Variants in ATXN7L1 observed in about 807,000 individuals in gnomAD.
The protein encoded by ATXN7L1 is ataxin 7 like 1, also known as ataxin-7-like protein 1.
Under a neutral mutation model 70.8 loss-of-function variants are expected in ATXN7L1, and 15 were observed. The ratio of observed to expected loss-of-function variants is 0.21; its 90% confidence interval spans 0.14 to 0.33. The LOEUF is 0.33. Ranked by LOEUF, ATXN7L1 falls within the 10% of genes least tolerant of loss-of-function variation. ATXN7L1 has a pLI of 1.00. For missense variants in ATXN7L1, 975 were observed against 1,097.1 expected (o/e 0.89, Z 1.57); for synonymous variants, 440 against 445.1 (o/e 0.99, Z 0.14).
rs115057597 is a variant in ATXN7L1 at position 105,841,379 on chromosome 7, T to G, written c.250+34433A>C. 1.7e-3 allele frequency among the ~76,000 whole-genome samples: 261 copies of G among 152,382 alleles called. 1 individual carries two copies. The highest frequency in any genetic ancestry group is 6.2e-3 in the African/African-American group (257 of 41,592). ...CAGCAGTCCTTGCTTATCCACGGTT[T>G]CACTTTCCAGTTTTAGTTACATGCA... On this transcript the variant is annotated intron_variant, in intron 2 of 11. Transcript: ENST00000419735.
rs1420801957 is a variant in ATXN7L1 at position 105,605,405 on chromosome 7, A to G, written c.*2447T>C. The G allele has an allele frequency of 7.1e-6, 1 of 140,214 alleles. No homozygotes were observed. The highest frequency in any genetic ancestry group is 1.5e-5 in the Non-Finnish European group (1 of 66,702). 8.7% of individuals were successfully genotyped at this position (140,214 alleles called of 1,614,324 possible). ...TACTGTGGGCTTTCCCTTTTTGCCC[A>G]GTTTTCCAGAAATATCCTCACCTTG... On this transcript the variant is annotated 3_prime_UTR_variant, in exon 12 of 12. Transcript: ENST00000419735.
Position 105,733,841 on chromosome 7 carries a change from C to CCCATCCATCCAT in ATXN7L1, c.355+54751_355+54762dup, listed in dbSNP as rs74665862. Among the ~76,000 whole-genome samples the CCCATCCATCCAT allele has an allele frequency of 7.9e-4, 42 of 52,940 alleles. 5 individuals are homozygous for CCCATCCATCCAT. The highest frequency in any genetic ancestry group is 1.4e-3 in the Non-Finnish European group (39 of 28,038). 34.7% of individuals were successfully genotyped at this position (52,940 alleles called of 152,430 possible). ...ATCCATCCACCCCTCCATCCGTCCACCCATCCATCCATCCATCCATCCATC... is the reference window on the plus strand; with the variant it reads ...ATCCATCCACCCCTCCATCCGTCCACCCATCCATCCATCCATCCATCCATCCATCCATCCATC... On this transcript the variant is annotated intron_variant, in intron 3 of 11. Transcript: ENST00000419735.
chr7:105,817,454 G>T (rs528784984), intron 2 of ATXN7L1, among the ~76,000 whole-genome samples: 13 of 152,308 alleles, frequency 8.5e-5, no homozygotes, highest in Middle Eastern at 3.4e-3. Flanking sequence ...CTATTCTTAG[G>T]ACACATACAC....
chr7:105,628,542 C>A (rs1036992902), intron 7 of ATXN7L1, among the ~76,000 whole-genome samples: 13 of 151,920 alleles, frequency 8.6e-5, no homozygotes, highest in Non-Finnish European at 7.4e-5. Context: ...GTAATCCCAG[C>A]ACTTTGGGAG....
At chr7:105,800,248 G>A (rs1451722626) in intron 2 of ATXN7L1, among the ~76,000 whole-genome samples, 1 of 152,206 alleles carries the variant, frequency 6.6e-6, no homozygotes, top group African/African-American at 2.4e-5. Context: ...ATGAAGCCCT[G>A]TGATTGGGCC....
At chr7:105,795,025 C>T (rs1289681453) in intron 2 of ATXN7L1, among the ~76,000 whole-genome samples, 10 of 152,222 alleles carry the variant, frequency 6.6e-5, no homozygotes, top group Non-Finnish European at 1.5e-5. Context: ...TGGCACTCAG[C>T]CTGCTTCCCA....
intron 4 of ATXN7L1, among the ~76,000 whole-genome samples, chr7:105,646,531 T>C (rs56956827): frequency 0.057 from 8,612 of 152,070 alleles, 848 homozygotes; most frequent in African/African-American, 0.2. Flanking sequence ...GATTCTCCTG[T>C]CTCAGCCTCC....
intron 2 of ATXN7L1, chr7:105,819,763 A>C: frequency 1.4e-6 from 1 of 719,666 alleles, no homozygotes; most frequent in Non-Finnish European, 2.6e-6. Context: ...GCCCCACAAG[A>C]CAAAGCAAGG....
intron 11 of ATXN7L1, 21 bp downstream of exon 11, chr7:105,610,508 C>T: frequency 1.3e-6 from 2 of 1,530,822 alleles, no homozygotes; most frequent in Non-Finnish European, 1.8e-6. Context: ...TTTTGCCCCA[C>T]CCCCACCCTC....
At chr7:105,731,748 AAAAAGAAAAGAAAAGAAAAG>A (rs534062694) in intron 3 of ATXN7L1, among the ~76,000 whole-genome samples, 14 of 106,994 alleles carry the variant, frequency 1.3e-4, no homozygotes, top group South Asian at 6.7e-4. Flanking sequence ...CTTACTCCTT[AAAAAGAAAAGAAAAGAAAAG>A]AAAAGAAAAG....
intron 3 of ATXN7L1, among the ~76,000 whole-genome samples, chr7:105,722,552 C>T (rs1396142922): frequency 9.8e-6 from 1 of 101,876 alleles, no homozygotes; most frequent in African/African-American, 4.0e-5. Flanking sequence ...CAGAGTGAGA[C>T]TCTGCCTTAA....
chr7:105,619,140 G>GTTTTTTTTTCTTTTTTTTTTTTTTTT (rs1794390291), intron 9 of ATXN7L1, among the ~76,000 whole-genome samples: 1 of 49,846 alleles, frequency 2.0e-5, no homozygotes, highest in Non-Finnish European at 3.3e-5. Flanking sequence ...GAAATCTTTA[G>GTTTTTTTTTCTTTTTTTTTTTTTTTT]TTTTTTTTTT....
Position 105,614,713 on chromosome 7 carries a change from C to A in ATXN7L1, c.1621G>T (p.Val541Leu). ...VLQPFSNPSA[V>L]YLPSAPISSR... is the part of the protein sequence containing the mutation. Reference sequence around the variant, plus strand: ...CTGATGGGAGCTGAAGGAAGATACACAGCACTGGGGTTGCTGAAAGGCTGC... The same window carrying A: ...CTGATGGGAGCTGAAGGAAGATACAAAGCACTGGGGTTGCTGAAAGGCTGC... Residue 541 changes from valine (V) to leucine (L), a missense_variant, in exon 10 of 12, where the codon GTG (valine) becomes TTG (leucine). This residue lies in a region of ATXN7L1 where 635 missense variants were observed against 699.4 expected (regional missense o/e 0.91). Coordinates refer to ENST00000419735, the MANE Select transcript of ATXN7L1 (RefSeq NM_020725.2). The surrounding 1 kb of genome is among the most constrained non-coding windows in gnomAD (Gnocchi z 4.3). The A allele has an allele frequency of 3.9e-6, 6 of 1,551,726 alleles. No homozygotes were observed. Among genetic ancestry groups the A allele is most frequent in the South Asian group, 1.2e-5 (1 of 84,066 alleles).
intron 2 of ATXN7L1, among the ~76,000 whole-genome samples, chr7:105,829,112 T>C (rs183927415): frequency 7.2e-5 from 11 of 152,176 alleles, no homozygotes; most frequent in Admixed American, 5.2e-4. Flanking sequence ...AGTCCTCAAA[T>C]AGTGAAGTGA....
chr7:105,732,463 T>C (rs1238347379), intron 3 of ATXN7L1, among the ~76,000 whole-genome samples: 1 of 152,184 alleles, frequency 6.6e-6, no homozygotes, highest in African/African-American at 2.4e-5. Flanking sequence ...GATTTTTTTT[T>C]CCCTTGGGAG....
chr7:105,743,412 G>A (rs1293041194), intron 3 of ATXN7L1, among the ~76,000 whole-genome samples: 5 of 152,082 alleles, frequency 3.3e-5, no homozygotes, highest in Non-Finnish European at 7.4e-5. Flanking sequence ...GGAGGCTGCC[G>A]GCTGGCTCAC....
chr7:105,847,978 T>G (rs1814315021), intron 2 of ATXN7L1, among the ~76,000 whole-genome samples: 2 of 152,198 alleles, frequency 1.3e-5, no homozygotes, highest in Admixed American at 6.5e-5. Context: ...GCATTAAGAT[T>G]TCCTAAAACT....
intron 2 of ATXN7L1, among the ~76,000 whole-genome samples, chr7:105,835,370 G>A (rs1335602973): frequency 6.6e-6 from 1 of 151,506 alleles, no homozygotes; most frequent in Non-Finnish European, 1.5e-5. Flanking sequence ...GCCCAGGCTG[G>A]TCTTGAACTC....
At chr7:105,837,725 G>T (rs1812615961) in intron 2 of ATXN7L1, among the ~76,000 whole-genome samples, 1 of 152,288 alleles carries the variant, frequency 6.6e-6, no homozygotes, top group African/African-American at 2.4e-5. Context: ...ACTCCCTGGG[G>T]ATCTGCTTTA....
Sources: gnomAD v4.1 joint callset for allele counts (sites outside exome capture counted in the v4.1 genomes callset) on GRCh38, gnomAD v4.1.1 for gene constraint, gnomAD v4.1.1 regional missense constraint, Gnocchi (gnomAD v3.1) non-coding constraint, MANE v1.5 for transcripts, NCBI Gene and HGNC (gene_info 2026-07-23, HGNC 2026-07-21) for gene names.